The following RAPGEF2 variants were observed in gnomAD, a reference collection of about 807,000 sequenced individuals.
The protein encoded by RAPGEF2 is Rap guanine nucleotide exchange factor 2.
Under a neutral mutation model 186.7 loss-of-function variants are expected in RAPGEF2, and 54 were observed. The ratio of observed to expected loss-of-function variants is 0.29; its 90% CI spans 0.23 to 0.36. RAPGEF2 has a LOEUF of 0.36. Ranked by LOEUF, RAPGEF2 falls within the 10% of genes least tolerant of loss-of-function variation. RAPGEF2 has a pLI of 1.00. For synonymous variants in RAPGEF2, 712 were observed against 705.9 expected, an observed-to-expected ratio of 1.01 and a Z score of -0.14; for missense variants, 1,532 against 2,045.0, an observed-to-expected ratio of 0.75 and a Z score of 4.84.
At chr4:159,148,070 CTGTTT>C (rs561132265) in intron 1 of RAPGEF2, among the ~76,000 whole-genome samples, 431 of 151,982 alleles carry the variant, frequency 2.8e-3, no homozygotes, top group Middle Eastern at 0.024. Flanking sequence ...AAGCTAAGAA[CTGTTT>C]TGTTTTTAGG....
intron 1 of RAPGEF2, among the ~76,000 whole-genome samples, chr4:159,130,034 A>G (rs946706917): frequency 6.6e-6 from 1 of 152,180 alleles, no homozygotes; most frequent in Non-Finnish European, 1.5e-5. Flanking sequence ...GTTCCTCCCT[A>G]TTTTAGACCA....
chr4:159,241,532 A>G (rs374825127), intron 6 of RAPGEF2, among the ~76,000 whole-genome samples, 164 bp downstream of exon 6: 3 of 148,456 alleles, frequency 2.0e-5, no homozygotes, highest in South Asian at 2.1e-4. Context: ...ATATTAATAA[A>G]TATAAAAATA....
At chr4:159,261,182 T>A (rs897789527) in intron 7 of RAPGEF2, among the ~76,000 whole-genome samples, 2 of 152,050 alleles carry the variant, frequency 1.3e-5, no homozygotes, top group Non-Finnish European at 2.9e-5. Flanking sequence ...CTGCCTCAGC[T>A]TCCCAAATAG....
At chr4:159,314,547 T>G (rs371159032) in intron 8 of RAPGEF2, 44 bp from the exon 9 acceptor site, 4 of 1,518,906 alleles carry the variant, frequency 2.6e-6, no homozygotes, top group Admixed American at 2.3e-5. Context: ...CCCAAAGATT[T>G]ATTTACTTAA....
Position 159,139,694 on chromosome 4 carries a change from T to C in RAPGEF2, c.69+35463T>C, listed in dbSNP as rs572363927. On this transcript the variant is annotated intron_variant, in intron 1 of 29. Coordinates refer to ENST00000691494, the MANE Select transcript of RAPGEF2 (RefSeq NM_001394067.2). ...TCAAAATTATTCTAAAGTTATCTTT[T>C]GTTAAATGTGGTTTGTTAAGAGATT... 7.2e-5 allele frequency among the ~76,000 whole-genome samples: 11 copies of C among 152,352 alleles called. 1 individual carries two copies. In the South Asian group the frequency reaches 2.3e-3, roughly 32 times the overall value.
intron 2 of RAPGEF2, among the ~76,000 whole-genome samples, chr4:159,189,213 T>C (rs1182340521): frequency 6.6e-6 from 1 of 152,206 alleles, no homozygotes; most frequent in Non-Finnish European, 1.5e-5. Flanking sequence ...CTGTTAAGTA[T>C]TGGGCAGTAG....
At chr4:159,105,708 A>G (rs1382720211) in intron 1 of RAPGEF2, among the ~76,000 whole-genome samples, 1 of 152,246 alleles carries the variant, frequency 6.6e-6, no homozygotes, top group Non-Finnish European at 1.5e-5. Flanking sequence ...TAAAATGGTC[A>G]GTTGGATCAG....
chr4:159,109,232 T>C (rs543200661), intron 1 of RAPGEF2, among the ~76,000 whole-genome samples: 3 of 152,246 alleles, frequency 2.0e-5, no homozygotes, highest in African/African-American at 7.2e-5. Flanking sequence ...GACACATACC[T>C]GTAATCCCAG....
intron 1 of RAPGEF2, among the ~76,000 whole-genome samples, chr4:159,153,599 T>C (rs554270391): frequency 2.0e-5 from 3 of 152,232 alleles, no homozygotes; most frequent in African/African-American, 4.8e-5. Flanking sequence ...GAGTCTCTTA[T>C]CCTAATCCTT....
chr4:159,237,232 G>A (rs1009002364), intron 4 of RAPGEF2, among the ~76,000 whole-genome samples: 8 of 152,106 alleles, frequency 5.3e-5, no homozygotes, highest in African/African-American at 1.9e-4. Flanking sequence ...TGTTGCCCAA[G>A]CTGGTCTCGA....
intron 4 of RAPGEF2, among the ~76,000 whole-genome samples, chr4:159,216,536 A>G (rs1751009273): frequency 6.6e-6 from 1 of 152,054 alleles, no homozygotes; most frequent in Admixed American, 6.6e-5. Flanking sequence ...AAACATAACC[A>G]ACAGCTTGAG....
chr4:159,193,224 T>C lies in RAPGEF2; in HGVS notation c.165T>C (p.Tyr55=), dbSNP rs572844607. Reference sequence around the variant, plus strand: ...GGTTAATGTGTGAAACTGTGAGATATGAGAGACACGAAGCAAATGAAGTTT... The same window carrying C: ...GGTTAATGTGTGAAACTGTGAGATACGAGAGACACGAAGCAAATGAAGTTT... ...QLRLMCETVR[Y]ERHEANEVLY... The change falls in exon 3 of 30, where the codon TAT becomes TAC. Residue 55 remains tyrosine, a synonymous_variant. Transcript: ENST00000691494. 1.3e-6 allele frequency: 2 copies of C among 1,506,240 alleles called. No homozygotes were observed. Among genetic ancestry groups the C allele is most frequent in the South Asian group, 1.3e-5 (1 of 78,714 alleles). The allele number at this position is 1,506,240 out of a possible 1,614,324, so 93.3% of individuals were successfully genotyped here. A position where few individuals can be genotyped will look rare whatever the true frequency, so the allele number is the denominator to read the frequency against.
rs1441164879 is a variant in RAPGEF2, at chr4:159,170,954, C to T, written c.70-15688C>T. Among the ~76,000 whole-genome samples, 6 of 152,238 alleles carry T rather than the reference C, an allele frequency of 3.9e-5. No homozygotes were observed. The East Asian group carries it at 1.2e-3, about 29-fold the overall frequency. ...TTCTCAACATCATTTATTGAAGAGA[C>T]TCTTCTTTCCCCCATTGTGTGCTCT... On this transcript the variant is annotated intron_variant, in intron 1 of 29. Transcript: ENST00000691494.
chr4:159,357,053 A>G (rs780624615), intron 29 of RAPGEF2, among the ~76,000 whole-genome samples: 4 of 152,000 alleles, frequency 2.6e-5, no homozygotes, highest in Non-Finnish European at 4.4e-5. Context: ...TGGAAATGAA[A>G]GTCTGATAAA....
In RAPGEF2 at chr4:159,237,880, T is replaced by A. The variant is rs533816363; in HGVS notation, c.282-929T>A. Among the ~76,000 whole-genome samples the A allele has an allele frequency of 2.2e-5, 3 of 137,138 alleles. No homozygotes were observed. In the East Asian group the frequency reaches 6.2e-4, roughly 29 times the overall value. 90.0% of individuals were successfully genotyped at this position (137,138 alleles called of 152,430 possible). A position where few individuals can be genotyped will look rare whatever the true frequency, so the allele number is the denominator to read the frequency against. On this transcript the variant is annotated intron_variant, in intron 4 of 29. Transcript: ENST00000691494. ...AAAAAAAAAAAAAAAAAGCCAGGTA[T>A]GGTGGTACGCACCTGTAGTCCCAGC...
At chr4:159,273,628 TTCTTTCTTTCTTTCTTTCTTTCTTTC>T (rs1371227329) in intron 7 of RAPGEF2, among the ~76,000 whole-genome samples, 16 of 13,806 alleles carry the variant, frequency 1.2e-3, no homozygotes, top group African/African-American at 3.3e-3. Context: ...AGTAATCAGT[TTCTTTCTTTCTTTCTTTCTTTCTTTC>T]TTTCTTTCTT....
chr4:159,115,981 A>G (rs1012459698), intron 1 of RAPGEF2, among the ~76,000 whole-genome samples: 6 of 152,156 alleles, frequency 3.9e-5, no homozygotes, highest in Non-Finnish European at 8.8e-5. Context: ...AACTATAAAA[A>G]CCCTAGAAGA....
chr4:159,314,746 T>A lies in RAPGEF2; in HGVS notation c.831T>A (p.Ile277=), dbSNP rs748353605. The A allele has an allele frequency of 8.1e-6, 13 of 1,607,530 alleles. No individual in the cohort carries two copies. The highest frequency in any genetic ancestry group is 4.5e-5 in the East Asian group (2 of 44,552). ...IVRDCLEKDP[I]DRTDDDIEQL... ...GAGACTGCCTAGAGAAGGACCCAAT[T>A]GACCGGACAGATGATGACATTGGTA... Residue 277 remains isoleucine, a synonymous_variant, in exon 9 of 30, where the codon ATT becomes ATA. Coordinates refer to ENST00000691494, the MANE Select transcript of RAPGEF2 (RefSeq NM_001394067.2).
At chr4:159,296,823 C>G (rs1439413472) in intron 7 of RAPGEF2, among the ~76,000 whole-genome samples, 1 of 152,182 alleles carries the variant, frequency 6.6e-6, no homozygotes, top group Non-Finnish European at 1.5e-5. Flanking sequence ...TTCCTCTCTT[C>G]CATTTTCAAG....
Sources: gnomAD v4.1 joint callset for allele counts (sites outside exome capture counted in the v4.1 genomes callset) on GRCh38, gnomAD v4.1.1 for gene constraint, MANE v1.5 for transcripts, NCBI Gene and HGNC (gene_info 2026-07-23, HGNC 2026-07-21) for gene names.